Variants in CSNK1G2 observed in about 807,000 individuals in gnomAD.
The protein encoded by CSNK1G2 is casein kinase I isoform gamma-2.
A neutral mutation model predicts 48.0 loss-of-function variants in CSNK1G2; 11 were observed. The ratio of observed to expected loss-of-function variants is 0.23; its 90% CI spans 0.14 to 0.38. CSNK1G2 has a LOEUF of 0.38. Among genes scored for constraint, CSNK1G2 ranks in the 10% least tolerant of loss-of-function variants. The pLI, the probability that CSNK1G2 is intolerant of heterozygous loss-of-function variation, is 1.00. For missense variants in CSNK1G2, 446 were observed against 595.5 expected (o/e 0.75, Z 2.61); for synonymous variants, 337 against 254.1 (o/e 1.33, Z -3.10).
rs1380756800 is a variant in CSNK1G2, at chr19:1,978,558, A to G, written c.299-44A>G. ...GGGCGGGGGCTGCGCAGGGGCAGGG[A>G]GGGGGCTGCCGCCGCACGCCCGTGC... On this transcript the variant is annotated intron_variant, in intron 4 of 11. Coordinates refer to ENST00000255641, the MANE Select transcript of CSNK1G2 (RefSeq NM_001319.7). The surrounding 1 kb of genome is among the most constrained non-coding windows in gnomAD (Gnocchi z 7.3). The G allele has an allele frequency of 6.4e-7, 1 of 1,569,996 alleles. No homozygotes were observed. Among genetic ancestry groups the G allele is most frequent in the Non-Finnish European group, 8.6e-7 (1 of 1,158,408 alleles).
chr19:1,975,426 G>T, intron 2 of CSNK1G2: 2 of 985,466 alleles, frequency 2.0e-6, no homozygotes, highest in Non-Finnish European at 2.4e-6. Context: ...AGCCGTGTTC[G>T]CCGGAACTCC....
intron 1 of CSNK1G2, chr19:1,954,081 C>A (rs567981602): frequency 4.0e-6 from 2 of 495,672 alleles, no homozygotes; most frequent in East Asian, 5.6e-5. Context: ...TGGGCGGCTT[C>A]CCTCCTCTCC....
At chr19:1,977,696 T>G (rs1219925882) in intron 2 of CSNK1G2, among the ~76,000 whole-genome samples, 2 of 140,868 alleles carry the variant, frequency 1.4e-5, no homozygotes, top group Non-Finnish European at 3.0e-5. Flanking sequence ...AAGGCTGCAG[T>G]GAACTGCGAT....
Position 1,957,521 on chromosome 19 carries a change from C to T in CSNK1G2, c.-265-11987C>T, listed in dbSNP as rs1160995355. On this transcript the variant is annotated intron_variant, in intron 1 of 11. Transcript: ENST00000255641. This position sits in a 1 kb window ranked among gnomAD's most constrained non-coding sequence, Gnocchi z 5.4. ...TAGGAGGGACAGTGAGCGCAGGCACCTCTCTCTCCACTTCATGTTTGTCCT... is the reference window on the plus strand; with the variant it reads ...TAGGAGGGACAGTGAGCGCAGGCACTTCTCTCTCCACTTCATGTTTGTCCT... Among the ~76,000 whole-genome samples the T allele has an allele frequency of 6.6e-6, 1 of 152,182 alleles. No individual in the cohort carries two copies. The highest frequency in any genetic ancestry group is 1.5e-5 in the Non-Finnish European group (1 of 68,012).
chr19:1,956,313 G>A (rs2014996646), intron 1 of CSNK1G2, among the ~76,000 whole-genome samples: 1 of 152,226 alleles, frequency 6.6e-6, no homozygotes, highest in Non-Finnish European at 1.5e-5. Context: ...CAGCTGGGAT[G>A]GGGATTTGGT....
chr19:1,962,432 C>T (rs751366205), intron 1 of CSNK1G2, among the ~76,000 whole-genome samples: 16 of 151,708 alleles, frequency 1.1e-4, no homozygotes, highest in African/African-American at 7.3e-5. Context: ...TTTGGGAGGC[C>T]GAGGAGGGAG....
Position 1,978,541 on chromosome 19 carries a change from G to C in CSNK1G2, c.298+30G>C. On this transcript the variant is annotated intron_variant, in intron 4 of 11. Coordinates refer to ENST00000255641, the MANE Select transcript of CSNK1G2 (RefSeq NM_001319.7). This position sits in a 1 kb window ranked among gnomAD's most constrained non-coding sequence, Gnocchi z 7.3. ...CGGGCGGCCCGCGGGTGGGGCGGGG[G>C]CTGCGCAGGGGCAGGGAGGGGGCTG... 1 of 1,567,860 alleles carries C rather than the reference G, an allele frequency of 6.4e-7. No homozygotes were observed. Among genetic ancestry groups the C allele is most frequent in the East Asian group, 2.4e-5 (1 of 42,380 alleles).
intron 1 of CSNK1G2, among the ~76,000 whole-genome samples, chr19:1,948,262 G>A (rs1240992000): frequency 1.3e-5 from 2 of 152,164 alleles, no homozygotes; most frequent in Admixed American, 1.3e-4. Flanking sequence ...GGTGGCTCAC[G>A]CCTGTAATCC....
At chr19:1,971,141 A>G (rs1206382264) in intron 2 of CSNK1G2, among the ~76,000 whole-genome samples, 2 of 152,222 alleles carry the variant, frequency 1.3e-5, no homozygotes, top group Non-Finnish European at 2.9e-5. Context: ...TTCAGCAGGC[A>G]GTTATGCGGC....
At chr19:1,953,969 T>A (rs1397683095) in intron 1 of CSNK1G2, 8 of 533,804 alleles carry the variant, frequency 1.5e-5, no homozygotes, top group Non-Finnish European at 3.1e-5. Context: ...GGACGGGGCC[T>A]TCTCGTGGTG....
At chr19:1,944,288 C>A (rs2014473388) in intron 1 of CSNK1G2, among the ~76,000 whole-genome samples, 1 of 152,162 alleles carries the variant, frequency 6.6e-6, no homozygotes, top group South Asian at 2.1e-4. Context: ...GCAAGGCCGT[C>A]TGAGTGAGGC....
At chr19:1,942,563 C>A (rs796275904) in intron 1 of CSNK1G2, 8 of 152,438 alleles carry the variant, frequency 5.2e-5, no homozygotes, top group African/African-American at 1.7e-4. Context: ...TTGGTGTTTC[C>A]TGGCTCCCGG....
intron 1 of CSNK1G2, among the ~76,000 whole-genome samples, chr19:1,943,470 C>T (rs1451358483): frequency 6.6e-6 from 1 of 152,180 alleles, no homozygotes; most frequent in East Asian, 1.9e-4. Context: ...TTTAATAATA[C>T]AGTAATTACT....
At chr19:1,942,775 G>A (rs1000329042) in intron 1 of CSNK1G2, among the ~76,000 whole-genome samples, 1 of 152,176 alleles carries the variant, frequency 6.6e-6, no homozygotes, top group Non-Finnish European at 1.5e-5. Flanking sequence ...TCTGTGCAGA[G>A]GAAAGACTGT....
chr19:1,956,404 C>G (rs2015000557), intron 1 of CSNK1G2, among the ~76,000 whole-genome samples: 1 of 152,238 alleles, frequency 6.6e-6, no homozygotes. Flanking sequence ...GTGGTCCCAG[C>G]TACCTGGGAG....
Position 1,969,853 on chromosome 19 carries a change from C to T in CSNK1G2, c.81C>T (p.Ser27=), listed in dbSNP as rs1032619117. 3 of 1,311,302 alleles carry T rather than the reference C, an allele frequency of 2.3e-6. No homozygotes were observed. Among genetic ancestry groups the T allele is most frequent in the East Asian group, 2.8e-5 (1 of 35,674 alleles). The allele number at this position is 1,311,302 out of a possible 1,614,324, so 81.2% of individuals were successfully genotyped here. A position where few individuals can be genotyped will look rare whatever the true frequency, so the allele number is the denominator to read the frequency against. Residue 27 remains serine (S), a synonymous_variant, in exon 2 of 12, where the codon AGC becomes AGT. Coordinates refer to ENST00000255641, the MANE Select transcript of CSNK1G2 (RefSeq NM_001319.7). ...CCAAGGCCGGCGGGGGCCGGAGCAG[C>T]CACGGCATCCGGAGCTCGGGGACCA... ...RMSKAGGGRS[S]HGIRSSGTSS... is the part of the protein sequence containing the mutation.
At chr19:1,953,797 C>A in intron 1 of CSNK1G2, 1 of 503,820 alleles carries the variant, frequency 2.0e-6, no homozygotes, top group Non-Finnish European at 4.1e-6. Context: ...GGGTCCGGTC[C>A]TGGCCGCTGT....
In CSNK1G2 at chr19:1,951,276, G is replaced by A. The variant is rs1012996919; in HGVS notation, c.-266+9858G>A. 1.4e-4 allele frequency among the ~76,000 whole-genome samples: 20 copies of A among 144,630 alleles called. 2 individuals are homozygous for A. Among genetic ancestry groups the A allele is most frequent in the African/African-American group, 3.2e-4 (12 of 37,450 alleles). The allele number at this position is 144,630 out of a possible 152,430, so 94.9% of individuals were successfully genotyped here. A position where few individuals can be genotyped will look rare whatever the true frequency, so the allele number is the denominator to read the frequency against. On this transcript the variant is annotated intron_variant, in intron 1 of 11. Coordinates refer to ENST00000255641, the MANE Select transcript of CSNK1G2 (RefSeq NM_001319.7). ...AAATTAGCCGGGCGTGGTGGCGGGC[G>A]CCTGTAGTCCCAGCTACTCGGGAGG...
At chr19:1,962,878 C>T (rs1210741203) in intron 1 of CSNK1G2, among the ~76,000 whole-genome samples, 7 of 152,172 alleles carry the variant, frequency 4.6e-5, no homozygotes, top group South Asian at 2.1e-4. Flanking sequence ...GAAGCCCGTG[C>T]GCAGACGCCG....
Sources: allele counts gnomAD v4.1 joint callset (sites outside exome capture counted in the v4.1 genomes callset), GRCh38; gene constraint gnomAD v4.1.1; non-coding constraint Gnocchi (gnomAD v3.1); transcripts MANE v1.5; gene names NCBI Gene and HGNC (gene_info 2026-07-23, HGNC 2026-07-21).